SLC2A11: variants seen among roughly 807,000 people sequenced by gnomAD.
The protein encoded by SLC2A11 is solute carrier family 2 member 11.
SLC2A11 carries 43 observed loss-of-function variants against 52.1 expected under a neutral mutation model. The observed-to-expected ratio is 0.82, with a 90% CI of 0.65 to 1.06. The LOEUF (loss-of-function observed/expected upper bound fraction) is 1.06. Ranked by LOEUF, SLC2A11 falls within the 50% of genes least tolerant of loss-of-function variation. The pLI, the probability that SLC2A11 is intolerant of heterozygous loss-of-function variation, is 0.00. For missense variants in SLC2A11, 582 were observed against 654.2 expected, an observed-to-expected ratio of 0.89 and a Z score of 1.20; for synonymous variants, 261 against 277.6, an observed-to-expected ratio of 0.94 and a Z score of 0.59.
intron 2 of SLC2A11, chr22:23,865,139 G>A (rs1206155785): frequency 7.0e-6 from 1 of 143,240 alleles, no homozygotes; most frequent in African/African-American, 2.5e-5. Context: ...AAACAAAACT[G>A]GGCGCAGTGG....
At position 23,884,003 on chromosome 22, in the gene SLC2A11, C is replaced by T; in HGVS notation, c.1150C>T (p.Leu384Phe). 6 of 1,613,502 alleles carry T rather than the reference C, an allele frequency of 3.7e-6. No individual in the cohort carries two copies. The highest frequency in any genetic ancestry group is 5.1e-6 in the Non-Finnish European group (6 of 1,179,838). The change falls in exon 10 of 12, where the codon CTC becomes TTC. Residue 384 changes from leucine (L) to phenylalanine (F), a missense_variant. Coordinates refer to ENST00000316185, the MANE Select transcript of SLC2A11 (RefSeq NM_001024939.4). The surrounding 1 kb of genome is among the most constrained non-coding windows in gnomAD (Gnocchi z 4.3). ...CATGGCCTGCATCTTTGCCTTCATCCTCAGCTTTGGCATTGGCCCTGGTGA... is the reference window on the plus strand; with the variant it reads ...CATGGCCTGCATCTTTGCCTTCATCTTCAGCTTTGGCATTGGCCCTGGTGA... The part of the protein sequence containing the change: ...LAMACIFAFI[L>F]SFGIGPAGVT...
Position 23,868,570 on chromosome 22 carries a change from C to T in SLC2A11, c.219C>T (p.Ile73=), listed in dbSNP as rs201151293. 216 of 1,614,082 alleles carry T rather than the reference C, an allele frequency of 1.3e-4. No homozygotes were observed. The highest frequency in any genetic ancestry group is 1.8e-4 in the Non-Finnish European group (209 of 1,180,038). Residue 73 remains isoleucine, a synonymous_variant, in exon 3 of 12, where the codon ATC becomes ATT. Transcript: ENST00000316185. ...DHLVLLMWSL[I]VSLYPLGGLF... is the part of the protein sequence containing the mutation. ...TAGTCCTGCTTATGTGGTCCCTCAT[C>T]GTGTCTCTGTATCCCCTGGGAGGCC...
At chr22:23,864,155 A>T (rs1462615173) in intron 2 of SLC2A11, among the ~76,000 whole-genome samples, 1 of 152,076 alleles carries the variant, frequency 6.6e-6, no homozygotes, top group Admixed American at 6.5e-5. Context: ...GATCACCTTT[A>T]TGGGGAACCA....
upstream of SLC2A11, chr22:23,857,822 T>A: frequency 6.8e-7 from 1 of 1,473,920 alleles, no homozygotes; most frequent in Middle Eastern, 2.5e-4. Context: ...GCGCTACAGC[T>A]TCGTCTCGAC....
rs1412033899 is a variant in SLC2A11, at chr22:23,884,845, T to C, written c.1496T>C (p.Leu499Pro). The change falls in exon 12 of 12, where the codon CTC becomes CCC. Residue 499 changes from leucine to proline, a missense_variant. Leu to Pro is a moderately conservative substitution (Grantham distance 98). Transcript: ENST00000316185. The surrounding 1 kb of genome is among the most constrained non-coding windows in gnomAD (Gnocchi z 4.3). ...RSLEVIQSTE[L>P] is the part of the protein sequence containing the mutation. ...CTGGAGGTTATCCAGTCAACAGAACTCTAGTCCCAAAGGGGTGGCCAGAGC... is the reference window on the plus strand; with the variant it reads ...CTGGAGGTTATCCAGTCAACAGAACCCTAGTCCCAAAGGGGTGGCCAGAGC... 13 of 1,613,998 alleles carry C rather than the reference T, an allele frequency of 8.1e-6. No individual in the cohort carries two copies. The highest frequency in any genetic ancestry group is 1.1e-5 in the Non-Finnish European group (13 of 1,179,922).
chr22:23,876,659 C>G (rs940736653), intron 4 of SLC2A11, among the ~76,000 whole-genome samples: 1 of 152,104 alleles, frequency 6.6e-6, no homozygotes, highest in African/African-American at 2.4e-5. Flanking sequence ...AGTGCTGGGA[C>G]AGCTGGTAGG....
Position 23,882,520 on chromosome 22 carries a change from G to A in SLC2A11, c.756G>A (p.Glu252=), listed in dbSNP as rs770899658. 3 of 1,591,126 alleles carry A rather than the reference G, an allele frequency of 1.9e-6. No individual in the cohort carries two copies. In the South Asian group the frequency reaches 3.4e-5, roughly 18 times the overall value. ...LAGELEELEE[E]RAACQGCRAR... ...GGGAGCTGGAGGAGCTGGAGGAGGA[G>A]CGCGCTGCCTGCCAGGGCTGCCGTG... The change falls in exon 7 of 12, where the codon GAG becomes GAA. Residue 252 remains glutamate, a synonymous_variant. Transcript: ENST00000316185.
intron 1 of SLC2A11, among the ~76,000 whole-genome samples, chr22:23,861,793 A>C (rs2032077459): frequency 6.6e-6 from 1 of 152,170 alleles, no homozygotes; most frequent in African/African-American, 2.4e-5. Flanking sequence ...CCCCAAACAC[A>C]GCAGACGTGC....
rs185921239 is a variant in SLC2A11, at chr22:23,884,557, G to A, written c.1300-92G>A. On this transcript the variant is annotated intron_variant, in intron 11 of 11. Coordinates refer to ENST00000316185, the MANE Select transcript of SLC2A11 (RefSeq NM_001024939.4). The surrounding 1 kb of genome is among the most constrained non-coding windows in gnomAD (Gnocchi z 4.3). Reference sequence around the variant, plus strand: ...GGAGGGGTCTTAGGGGAGCAAAGAGGGGGGCAAATGCCTCCTCACGACCTG... The same window carrying A: ...GGAGGGGTCTTAGGGGAGCAAAGAGAGGGGCAAATGCCTCCTCACGACCTG... 6.5e-7 allele frequency: 1 copy of A among 1,541,036 alleles called. No homozygotes were observed. Among genetic ancestry groups the A allele is most frequent in the Non-Finnish European group, 8.8e-7 (1 of 1,140,806 alleles).
At position 23,885,301 on chromosome 22, in the gene SLC2A11, G is replaced by C; in HGVS notation, c.*452G>C. 1 of 212,866 alleles carries C rather than the reference G, an allele frequency of 4.7e-6. No individual in the cohort carries two copies. The highest frequency in any genetic ancestry group is 1.1e-4 in the East Asian group (1 of 9,338). 13.2% of individuals were successfully genotyped at this position (212,866 alleles called of 1,614,324 possible). ...GTCCAAGAGTTCAAGGTAGCAGTAA[G>C]CTACAATCACACCACTGCATGCCAG... On this transcript the variant is annotated 3_prime_UTR_variant, in exon 12 of 12. Transcript: ENST00000316185.
At position 23,860,884 on chromosome 22, in the gene SLC2A11, C is replaced by T. The variant is rs1285956299; in HGVS notation, c.31-1220C>T. Among the ~76,000 whole-genome samples, 18 of 147,452 alleles carry T rather than the reference C, an allele frequency of 1.2e-4. 1 individual carries two copies. The highest frequency in any genetic ancestry group is 2.1e-4 in the Non-Finnish European group (14 of 67,090). On this transcript the variant is annotated intron_variant, in intron 1 of 11. Transcript: ENST00000316185. Reference sequence around the variant, plus strand: ...TTTTTGAGACGGAGTCTCGCTCTGTCGCCCAGGCTGGAGTGCAGTGGCGCT... The same window carrying T: ...TTTTTGAGACGGAGTCTCGCTCTGTTGCCCAGGCTGGAGTGCAGTGGCGCT...
intron 3 of SLC2A11, chr22:23,869,008 A>G (rs1234640142): frequency 4.7e-6 from 1 of 210,702 alleles, no homozygotes; most frequent in Non-Finnish European, 9.5e-6. Context: ...CAAAAATGTA[A>G]TAGCTGGAAG....
At position 23,882,483 on chromosome 22, in the gene SLC2A11, G is replaced by T. The variant is rs1601514765; in HGVS notation, c.719G>T (p.Gly240Val). 10 of 1,558,432 alleles carry T rather than the reference G, an allele frequency of 6.4e-6. No individual in the cohort carries two copies. Among genetic ancestry groups the T allele is most frequent in the Non-Finnish European group, 7.8e-6 (9 of 1,154,314 alleles). ...LAALRRLRGS[G>V]DLAGELEELE... ...GCACTACGGCGGCTCCGGGGCTCCG[G>T]GGACTTGGCAGGGGAGCTGGAGGAG... Residue 240 changes from glycine (G) to valine (V), a missense_variant, in exon 7 of 12, where the codon GGG becomes GTG. By Grantham distance (109) the Gly-to-Val change is moderately radical. Transcript: ENST00000316185.
chr22:23,877,784 G>T lies in SLC2A11; in HGVS notation c.609G>T (p.Ala203=). ...LLLASCLVPG[A]LQLASLPLLP... is the part of the protein sequence containing the mutation. ...TGGCCAGCTGCCTGGTGCCCGGGGCGCTCCAGCTCGCCTCCCTGCCTCTGC... is the reference window on the plus strand; with the variant it reads ...TGGCCAGCTGCCTGGTGCCCGGGGCTCTCCAGCTCGCCTCCCTGCCTCTGC... Residue 203 remains alanine, a synonymous_variant, in exon 6 of 12, where the codon GCG becomes GCT. Transcript: ENST00000316185. 1 of 1,609,204 alleles carries T rather than the reference G, an allele frequency of 6.2e-7. No individual in the cohort carries two copies. Among genetic ancestry groups the T allele is most frequent in the Non-Finnish European group, 8.5e-7 (1 of 1,178,020 alleles).
intron 4 of SLC2A11, among the ~76,000 whole-genome samples, chr22:23,876,560 C>T (rs550727554): frequency 2.0e-5 from 3 of 152,274 alleles, no homozygotes; most frequent in African/African-American, 7.2e-5. Context: ...TCTCTGTTTT[C>T]CTGAGGGCAG....
At chr22:23,867,939 G>A in intron 2 of SLC2A11, 1 of 330,396 alleles carries the variant, frequency 3.0e-6, no homozygotes. Context: ...AGCCATTGTT[G>A]CAAATTATCA....
Position 23,877,172 on chromosome 22 carries a change from G to A in SLC2A11, c.545+1G>A. 1 of 1,607,670 alleles carries A rather than the reference G, an allele frequency of 6.2e-7. No individual in the cohort carries two copies. Among genetic ancestry groups the A allele is most frequent in the Non-Finnish European group, 8.5e-7 (1 of 1,176,574 alleles). ...TGATGGGACAGGTGGTCGGACTCAG[G>A]TAAGCACCCCTCCCCCACATGCATT... On this transcript the variant is annotated splice_donor_variant, in intron 5 of 11. Transcript: ENST00000316185. LOFTEE classifies it high-confidence loss of function.
Position 23,882,481 on chromosome 22 carries a change from CGG to C in SLC2A11, c.720_721del (p.Asp241LeufsTer52). Reference protein sequence around the residue: ...LAALRRLRGSGDLAGELEELE... With the variant: ...LAALRRLRGSXDLAGELEELE... ...CAGCACTACGGCGGCTCCGGGGCTC[CGG>C]GGACTTGGCAGGGGAGCTGGAGGAG... On this transcript the variant is annotated frameshift_variant, in exon 7 of 12. Coordinates refer to ENST00000316185, the MANE Select transcript of SLC2A11 (RefSeq NM_001024939.4). LOFTEE classifies it high-confidence loss of function. 1 of 1,554,474 alleles carries C rather than the reference CGG, an allele frequency of 6.4e-7. No homozygotes were observed. Among genetic ancestry groups the C allele is most frequent in the Non-Finnish European group, 8.7e-7 (1 of 1,152,212 alleles).
At chr22:23,875,269 C>G in intron 4 of SLC2A11, 28 bp downstream of exon 4, 1 of 1,365,744 alleles carries the variant, frequency 7.3e-7, no homozygotes, top group Non-Finnish European at 9.5e-7. Context: ...CTCATCCTGC[C>G]TCTCTATGCC....
Sources: allele counts gnomAD v4.1 joint callset (sites outside exome capture counted in the v4.1 genomes callset), GRCh38; gene constraint gnomAD v4.1.1; non-coding constraint Gnocchi (gnomAD v3.1); transcripts MANE v1.5; gene names NCBI Gene and HGNC (gene_info 2026-07-23, HGNC 2026-07-21).